Variants in SGCZ observed in about 807,000 individuals in gnomAD.
SGCZ encodes zeta-sarcoglycan.
SGCZ carries 40 observed loss-of-function variants against 41.3 expected under a neutral mutation model. The ratio of observed to expected loss-of-function variants is 0.97; its 90% CI spans 0.75 to 1.26. The LOEUF (loss-of-function observed/expected upper bound fraction) is 1.26. Ranked by LOEUF, SGCZ falls within the 50% of genes most tolerant of loss-of-function variation. The pLI is 0.00. For missense variants in SGCZ, 552 were observed against 369.8 expected, an observed-to-expected ratio of 1.49 and a Z score of -4.04; for synonymous variants, 206 against 137.5, an observed-to-expected ratio of 1.50 and a Z score of -3.49.
intron 1 of SGCZ, among the ~76,000 whole-genome samples, chr8:15,231,436 G>A (rs1801935344): frequency 6.6e-6 from 1 of 152,006 alleles, no homozygotes. Context: ...TTTAGAATGT[G>A]AGGCTACATA....
intron 1 of SGCZ, among the ~76,000 whole-genome samples, chr8:15,031,708 T>A (rs1343164467): frequency 6.6e-6 from 1 of 152,186 alleles, no homozygotes. Flanking sequence ...AAATTATTCA[T>A]AGGACAATGT....
intron 2 of SGCZ, among the ~76,000 whole-genome samples, chr8:14,484,352 G>A (rs1021361342): frequency 3.3e-5 from 5 of 152,246 alleles, no homozygotes; most frequent in East Asian, 1.9e-4. Context: ...TAGTGACTCC[G>A]AAATAGTGAC....
chr8:14,487,154 C>G (rs1482114783), intron 2 of SGCZ, among the ~76,000 whole-genome samples: 1 of 152,186 alleles, frequency 6.6e-6, no homozygotes, highest in Non-Finnish European at 1.5e-5. Context: ...TGTCCTCTCT[C>G]TTTCCTTAGC....
chr8:15,061,525 G>A (rs1804929998), intron 1 of SGCZ, among the ~76,000 whole-genome samples: 1 of 121,596 alleles, frequency 8.2e-6, no homozygotes, highest in Non-Finnish European at 1.6e-5. Context: ...AGAACTTACA[G>A]TATATAAAAA....
intron 2 of SGCZ, among the ~76,000 whole-genome samples, chr8:14,529,336 G>A (rs1337542020): frequency 6.6e-6 from 1 of 152,156 alleles, no homozygotes; most frequent in African/African-American, 2.4e-5. Context: ...TATATGCCCT[G>A]TATTCCTGCT....
chr8:14,989,972 G>A (rs1197624626), intron 1 of SGCZ, among the ~76,000 whole-genome samples: 3 of 151,926 alleles, frequency 2.0e-5, no homozygotes, highest in Non-Finnish European at 2.9e-5. Context: ...AGTACCGGGA[G>A]GTACGCATGA....
At chr8:15,182,848 C>T (rs756833735) in intron 1 of SGCZ, among the ~76,000 whole-genome samples, 4 of 152,192 alleles carry the variant, frequency 2.6e-5, no homozygotes, top group Non-Finnish European at 4.4e-5. Context: ...GTTGTAATAA[C>T]AGCTTAAAAC....
At chr8:15,222,004 T>C (rs1421268360) in intron 1 of SGCZ, among the ~76,000 whole-genome samples, 1 of 152,212 alleles carries the variant, frequency 6.6e-6, no homozygotes, top group Non-Finnish European at 1.5e-5. Flanking sequence ...ATGCATAGAA[T>C]TACATCATAA....
rs1806992590 is a variant in SGCZ at position 14,640,650 on chromosome 8, GT to G, written c.40-85725del. Among the ~76,000 whole-genome samples, 10 of 11,084 alleles carry G rather than the reference GT, an allele frequency of 9.0e-4. 1 individual carries two copies. The East Asian group carries it at 0.025, about 28-fold the overall frequency. The allele number at this position is 11,084 out of a possible 152,430, so 7.3% of individuals were successfully genotyped here. On this transcript the variant is annotated intron_variant, in intron 1 of 7. Coordinates refer to ENST00000382080, the MANE Select transcript of SGCZ (RefSeq NM_139167.4). Reference sequence around the variant, plus strand: ...TATATGTGCAAACATATATATAGGGGTGTGTGTGTGTGTGTGTGTGTGTATA... The same window carrying G: ...TATATGTGCAAACATATATATAGGGGGTGTGTGTGTGTGTGTGTGTGTATA...
intron 4 of SGCZ, among the ~76,000 whole-genome samples, chr8:14,180,935 A>G (rs2054426): frequency 0.99 from 150,901 of 151,878 alleles, 74,974 homozygotes; most frequent in East Asian, 1. Flanking sequence ...TTCCAGCTAT[A>G]CTTGATAGAA....
At chr8:14,690,022 C>G (rs764200844) in intron 1 of SGCZ, among the ~76,000 whole-genome samples, 3 of 151,654 alleles carry the variant, frequency 2.0e-5, no homozygotes, top group Non-Finnish European at 4.4e-5. Context: ...TGAATTCTTA[C>G]TTTCAAAGGA....
At chr8:14,650,145 G>A (rs1289616700) in intron 1 of SGCZ, among the ~76,000 whole-genome samples, 1 of 151,992 alleles carries the variant, frequency 6.6e-6, no homozygotes, top group African/African-American at 2.4e-5. Flanking sequence ...GACTGTTTTT[G>A]TTTGTTTTGT....
At chr8:14,860,943 G>C (rs1803726930) in intron 1 of SGCZ, among the ~76,000 whole-genome samples, 1 of 152,144 alleles carries the variant, frequency 6.6e-6, no homozygotes, top group African/African-American at 2.4e-5. Context: ...ATGAGACAAT[G>C]GACATTTACA....
Position 14,371,785 on chromosome 8 carries a change from A to C in SGCZ, c.235-47581T>G, listed in dbSNP as rs188471981. 3.9e-5 allele frequency among the ~76,000 whole-genome samples: 6 copies of C among 152,302 alleles called. No individual in the cohort carries two copies. The East Asian group carries it at 1.2e-3, about 29-fold the overall frequency. On this transcript the variant is annotated intron_variant, in intron 2 of 7. Coordinates refer to ENST00000382080, the MANE Select transcript of SGCZ (RefSeq NM_139167.4). ...AGGTTTAGGGTGACAAATAAAAATT[A>C]GGAAACGTTATCTTTACATTATTTG...
At chr8:15,051,277 T>C (rs1176278444) in intron 1 of SGCZ, among the ~76,000 whole-genome samples, 1 of 152,180 alleles carries the variant, frequency 6.6e-6, no homozygotes, top group Non-Finnish European at 1.5e-5. Flanking sequence ...AGAAAAAGAA[T>C]ATTTATTCTT....
chr8:14,910,164 A>C (rs926783165), intron 1 of SGCZ, among the ~76,000 whole-genome samples: 14 of 149,668 alleles, frequency 9.4e-5, no homozygotes, highest in Admixed American at 4.7e-4. Context: ...AAAGGCTTGT[A>C]CCATCTTCAA....
intron 1 of SGCZ, among the ~76,000 whole-genome samples, chr8:14,645,657 C>T (rs1445283825): frequency 6.6e-6 from 1 of 151,280 alleles, no homozygotes; most frequent in Non-Finnish European, 1.5e-5. Flanking sequence ...CACTATTATA[C>T]CCCATACGCA....
At chr8:14,120,956 G>GAAT (rs1252293057) in intron 5 of SGCZ, among the ~76,000 whole-genome samples, 3 of 152,042 alleles carry the variant, frequency 2.0e-5, no homozygotes, top group African/African-American at 7.2e-5. Context: ...AGAATATCAG[G>GAAT]AATAATAAGG....
chr8:14,355,248 C>A (rs78718365), intron 2 of SGCZ, among the ~76,000 whole-genome samples: 3,962 of 152,106 alleles, frequency 0.026, 140 homozygotes, highest in African/African-American at 0.089. Flanking sequence ...TATCTTCAAT[C>A]AGCAGTAAAA....
Sources: allele counts gnomAD v4.1 joint callset (sites outside exome capture counted in the v4.1 genomes callset), GRCh38; gene constraint gnomAD v4.1.1; transcripts MANE v1.5; gene names NCBI Gene and HGNC (gene_info 2026-07-23, HGNC 2026-07-21).